ZNF225: variants seen among roughly 807,000 people sequenced by gnomAD.
The protein encoded by ZNF225 is zinc finger protein 225.
Under a neutral mutation model 12.0 loss-of-function variants are expected in ZNF225, and 6 were observed. The observed-to-expected ratio is 0.50, with a 90% CI of 0.27 to 0.98. ZNF225 has a LOEUF of 0.98. Among genes scored for constraint, ZNF225 ranks in the 50% least tolerant of loss-of-function variants. The pLI, the probability that ZNF225 is intolerant of heterozygous loss-of-function variation, is 0.11. For missense variants in ZNF225, 763 were observed against 848.2 expected (o/e 0.90, Z 1.25); for synonymous variants, 271 against 283.2 (o/e 0.96, Z 0.43).
chr19:44,123,984 G>C (rs545403590), intron 4 of ZNF225, among the ~76,000 whole-genome samples: 1 of 151,644 alleles, frequency 6.6e-6, no homozygotes, highest in Non-Finnish European at 1.5e-5. Context: ...GTTTTGTTTT[G>C]TTTTGTTTTG....
chr19:44,133,874 C>A lies in ZNF225; in HGVS notation c.*1139C>A. On this transcript the variant is annotated 3_prime_UTR_variant, in exon 5 of 5. Transcript: ENST00000262894. ...GATTTGATTTTTATAATCAAATCTA[C>A]TAGAGATAGATTTGATTTTTATAAT... is the stretch of plus-strand genomic sequence containing the variant. 1 of 140,766 alleles carries A rather than the reference C, an allele frequency of 7.1e-6. No individual in the cohort carries two copies. Among genetic ancestry groups the A allele is most frequent in the Non-Finnish European group, 1.5e-5 (1 of 65,224 alleles). 8.7% of individuals were successfully genotyped at this position (140,766 alleles called of 1,614,324 possible).
chr19:44,134,101 G>A lies in ZNF225; in HGVS notation c.*1366G>A, dbSNP rs1350661746. The A allele has an allele frequency of 6.6e-6, 1 of 152,026 alleles. No homozygotes were observed. The highest frequency in any genetic ancestry group is 2.4e-5 in the African/African-American group (1 of 41,364). The allele number at this position is 152,026 out of a possible 1,614,324, so 9.4% of individuals were successfully genotyped here. A position where few individuals can be genotyped will look rare whatever the true frequency, so the allele number is the denominator to read the frequency against. On this transcript the variant is annotated 3_prime_UTR_variant, in exon 5 of 5. Coordinates refer to ENST00000262894, the MANE Select transcript of ZNF225 (RefSeq NM_013362.4). ...ACTCATGACTATATTATAGTGACAG[G>A]ATACAAATAATCAGCAAAGGGAAAA...
At chr19:44,113,766 C>T (rs1967879435) in intron 1 of ZNF225, among the ~76,000 whole-genome samples, 197 bp downstream of exon 1, 2 of 152,166 alleles carry the variant, frequency 1.3e-5, no homozygotes, top group East Asian at 1.9e-4. Flanking sequence ...CGATAAAACG[C>T]TGGGATGTTA....
chr19:44,124,642 T>C (rs909962157), intron 4 of ZNF225, among the ~76,000 whole-genome samples: 1 of 152,214 alleles, frequency 6.6e-6, no homozygotes, highest in African/African-American at 2.4e-5. Flanking sequence ...ATTGTGTTGC[T>C]GTCTACCACA....
rs763863286 is a variant in ZNF225 at position 44,132,257 on chromosome 19, G to C, written c.1643G>C (p.Gly548Ala). 20 of 1,613,872 alleles carry C rather than the reference G, an allele frequency of 1.2e-5. No homozygotes were observed. The Admixed American group carries it at 3.0e-4, about 24-fold the overall frequency. ...TACAAATGTGAAGAGTGTGGGAAGG[G>C]CTTCAACAGTAAGTTTAATCTTGAC... The part of the protein sequence containing the change: ...KPYKCEECGK[G>A]FNSKFNLDMH... The change falls in exon 5 of 5, where the codon GGC (glycine) becomes GCC (alanine). Residue 548 changes from glycine to alanine, a missense_variant. By Grantham distance (60) the Gly-to-Ala change is moderately conservative (BLOSUM62 0). Transcript: ENST00000262894.
intron 4 of ZNF225, among the ~76,000 whole-genome samples, chr19:44,118,902 C>T (rs574379359): frequency 2.0e-5 from 3 of 151,926 alleles, no homozygotes; most frequent in Admixed American, 6.5e-5. Flanking sequence ...CTGCAAGCTC[C>T]GCTTCCCGGG....
At chr19:44,114,504 ATCTC>A (rs781335625) in intron 1 of ZNF225, among the ~76,000 whole-genome samples, 4 of 151,864 alleles carry the variant, frequency 2.6e-5, no homozygotes, top group Admixed American at 2.0e-4. Context: ...GAAGTGGTAA[ATCTC>A]TCTCTCTCTT....
chr19:44,115,798 C>T lies in ZNF225; in HGVS notation c.-30C>T. 6.2e-7 allele frequency: 1 copy of T among 1,611,920 alleles called. No individual in the cohort carries two copies. The highest frequency in any genetic ancestry group is 1.1e-5 in the South Asian group (1 of 90,766). On this transcript the variant is annotated 5_prime_UTR_variant, in exon 2 of 5. Transcript: ENST00000262894. ...TTCCCTTGGACTGTATCACTCAGGA[C>T]TCTGAATATTCCCTGAAATAGGAGG...
chr19:44,132,727 GAC>G lies in ZNF225; in HGVS notation c.2117_2118del (p.Thr706IlefsTer14). The G allele has an allele frequency of 6.3e-7, 1 of 1,590,494 alleles. No homozygotes were observed. Among genetic ancestry groups the G allele is most frequent in the Non-Finnish European group, 8.6e-7 (1 of 1,169,088 alleles). On this transcript the variant is annotated frameshift_variant, in exon 5 of 5. Coordinates refer to ENST00000262894, the MANE Select transcript of ZNF225 (RefSeq NM_013362.4). LOFTEE classifies it high-confidence loss of function. ...TACGCTTTTGTCATTATTTTTAAAT[GAC>G]ACATAACTGTTGTACTCATTTATGG... is the stretch of plus-strand genomic sequence containing the variant. ...LDTLLSLFLN[D>X]T
intron 4 of ZNF225, among the ~76,000 whole-genome samples, chr19:44,119,854 TG>T (rs1968017447): frequency 6.6e-6 from 1 of 152,218 alleles, no homozygotes; most frequent in Admixed American, 6.5e-5. Context: ...CAAAACTTTC[TG>T]GCTTCTCCTT....
chr19:44,132,021 GTGTCT>G lies in ZNF225; in HGVS notation c.1409_1413del (p.Cys470PhefsTer14). On this transcript the variant is annotated frameshift_variant, in exon 5 of 5. Transcript: ENST00000262894. LOFTEE classifies it low-confidence loss of function (END_TRUNC). ...GTGGGAAGAGCTTTGGCTGGGCCTCGTGTCTTTTGAATCATCAGAGAATCCACAGT... is the reference window on the plus strand; with the variant it reads ...GTGGGAAGAGCTTTGGCTGGGCCTCGTTTGAATCATCAGAGAATCCACAGT... 1 of 1,611,086 alleles carries G rather than the reference GTGTCT, an allele frequency of 6.2e-7. No homozygotes were observed. Among genetic ancestry groups the G allele is most frequent in the Non-Finnish European group, 8.5e-7 (1 of 1,179,206 alleles).
rs561956290 is a variant in ZNF225 at position 44,134,063 on chromosome 19, A to G, written c.*1328A>G. On this transcript the variant is annotated 3_prime_UTR_variant, in exon 5 of 5. Transcript: ENST00000262894. Reference sequence around the variant, plus strand: ...ATTCTATGATTTGCTAAGAGGACTCAGAATATAGTTGTACTCATGACTATA... The same window carrying G: ...ATTCTATGATTTGCTAAGAGGACTCGGAATATAGTTGTACTCATGACTATA... 1 of 152,272 alleles carries G rather than the reference A, an allele frequency of 6.6e-6. No individual in the cohort carries two copies. The highest frequency in any genetic ancestry group is 2.4e-5 in the African/African-American group (1 of 41,560). 9.4% of individuals were successfully genotyped at this position (152,272 alleles called of 1,614,324 possible).
intron 4 of ZNF225, chr19:44,129,198 C>A (rs1382155999): frequency 1.1e-6 from 1 of 903,152 alleles, no homozygotes; most frequent in Non-Finnish European, 1.5e-6. Flanking sequence ...GACATAAATA[C>A]TCCTAGGTAT....
Position 44,132,544 on chromosome 19 carries a change from A to C in ZNF225, c.1930A>C (p.Arg644=), listed in dbSNP as rs746995357. The change falls in exon 5 of 5, where the codon AGA becomes CGA. Residue 644 remains arginine (R), a synonymous_variant. Coordinates refer to ENST00000262894, the MANE Select transcript of ZNF225 (RefSeq NM_013362.4). ...RWASTHLTHQ[R]LHSREKLLQC... Reference sequence around the variant, plus strand: ...GGCCTCAACTCATCTAACCCATCAGAGACTCCACAGTAGAGAAAAACTACT... The same window carrying C: ...GGCCTCAACTCATCTAACCCATCAGCGACTCCACAGTAGAGAAAAACTACT... 1.9e-6 allele frequency: 3 copies of C among 1,614,150 alleles called. No homozygotes were observed. The highest frequency in any genetic ancestry group is 1.7e-5 in the Admixed American group (1 of 60,016).
In ZNF225 at chr19:44,132,027, T is replaced by G; in HGVS notation, c.1413T>G (p.Leu471=). ...AGAGCTTTGGCTGGGCCTCGTGTCT[T>G]TTGAATCATCAGAGAATCCACAGTG... ...CGKSFGWASC[L]LNHQRIHSGE... Residue 471 remains leucine, a synonymous_variant, in exon 5 of 5, where the codon CTT becomes CTG. Coordinates refer to ENST00000262894, the MANE Select transcript of ZNF225 (RefSeq NM_013362.4). 1 of 1,613,898 alleles carries G rather than the reference T, an allele frequency of 6.2e-7. No homozygotes were observed. The highest frequency in any genetic ancestry group is 8.5e-7 in the Non-Finnish European group (1 of 1,179,968).
At chr19:44,117,121 T>A (rs1260552583) in intron 2 of ZNF225, among the ~76,000 whole-genome samples, 1 of 152,152 alleles carries the variant, frequency 6.6e-6, no homozygotes, top group African/African-American at 2.4e-5. Context: ...ATAAAAAAAA[T>A]TTTAAAAAGC....
Position 44,132,704 on chromosome 19 carries a change from C to T in ZNF225, c.2090C>T (p.Thr697Met), listed in dbSNP as rs201090139. 574 of 1,605,264 alleles carry T rather than the reference C, an allele frequency of 3.6e-4. No individual in the cohort carries two copies. The highest frequency in any genetic ancestry group is 4.6e-4 in the Non-Finnish European group (540 of 1,176,868). ...TACAAGAGGCGCTTGAATCTTGATA[C>T]GCTTTTGTCATTATTTTTAAATGAC... ...KRYKRRLNLDTLLSLFLNDT is the reference protein window; with the variant it reads ...KRYKRRLNLDMLLSLFLNDT The change falls in exon 5 of 5, where the codon ACG becomes ATG. Residue 697 changes from threonine to methionine, a missense_variant. By Grantham distance (81) the Thr-to-Met change is moderately conservative (BLOSUM62 -1). Transcript: ENST00000262894.
chr19:44,132,604 A>C lies in ZNF225; in HGVS notation c.1990A>C (p.Ser664Arg), dbSNP rs753249494. 1 of 1,613,972 alleles carries C rather than the reference A, an allele frequency of 6.2e-7. No homozygotes were observed. Among genetic ancestry groups the C allele is most frequent in the African/African-American group, 1.3e-5 (1 of 74,898 alleles). Residue 664 changes from serine (S) to arginine (R), a missense_variant, in exon 5 of 5, where the codon AGT becomes CGT. Physicochemically the swap from Ser to Arg is moderately radical, Grantham distance 110 (BLOSUM62 -1). Coordinates refer to ENST00000262894, the MANE Select transcript of ZNF225 (RefSeq NM_013362.4). ...CEDCGKSIVH[S>R]SCLKDQQRDQ... ...GGACTGTGGGAAGAGCATTGTGCACAGTTCATGCCTTAAAGACCAACAAAG... is the reference window on the plus strand; with the variant it reads ...GGACTGTGGGAAGAGCATTGTGCACCGTTCATGCCTTAAAGACCAACAAAG...
In ZNF225 at chr19:44,132,630, A is replaced by C. The variant is rs1300375115; in HGVS notation, c.2016A>C (p.Arg672Ser). The change falls in exon 5 of 5, where the codon AGA becomes AGC. Residue 672 changes from arginine (R) to serine (S), a missense_variant. Arg to Ser is a moderately radical substitution (Grantham distance 110). Coordinates refer to ENST00000262894, the MANE Select transcript of ZNF225 (RefSeq NM_013362.4). ...VHSSCLKDQQ[R>S]DQSGEKTSKC... is the part of the protein sequence containing the mutation. ...GTTCATGCCTTAAAGACCAACAAAG[A>C]GACCAAAGTGGAGAGAAAACATCTA... The C allele has an allele frequency of 6.2e-7, 1 of 1,613,960 alleles. No homozygotes were observed. The highest frequency in any genetic ancestry group is 8.5e-7 in the Non-Finnish European group (1 of 1,179,962).
Sources: allele counts gnomAD v4.1 joint callset (sites outside exome capture counted in the v4.1 genomes callset), GRCh38; gene constraint gnomAD v4.1.1; transcripts MANE v1.5; gene names NCBI Gene and HGNC (gene_info 2026-07-23, HGNC 2026-07-21).